KIAA0825: variants seen among roughly 807,000 people sequenced by gnomAD.
KIAA0825 encodes KIAA0825, also known as uncharacterized protein KIAA0825.
In KIAA0825, 119 loss-of-function variants were observed where a neutral mutation model predicts 147.6. The ratio of observed to expected loss-of-function variants is 0.81; its 90% CI spans 0.69 to 0.94. The LOEUF (loss-of-function observed/expected upper bound fraction) is 0.94. Among genes scored for constraint, KIAA0825 ranks in the 40% least tolerant of loss-of-function variants. The probability of loss-of-function intolerance (pLI) is 0.00; values close to 1 mark genes in which losing one functional copy is unlikely to be tolerated. For synonymous variants in KIAA0825, 470 were observed against 518.1 expected, an observed-to-expected ratio of 0.91 and a Z score of 1.26; for missense variants, 1,381 against 1,472.7, an observed-to-expected ratio of 0.94 and a Z score of 1.02.
intron 20 of KIAA0825, among the ~76,000 whole-genome samples, chr5:94,259,394 TTAG>T (rs1459442027): frequency 1.3e-5 from 2 of 152,020 alleles, no homozygotes; most frequent in African/African-American, 4.8e-5. Flanking sequence ...AGGCAACTTA[TTAG>T]TAAGGTGAAT....
In KIAA0825 at chr5:94,153,752, A is replaced by C; in HGVS notation, c.*255T>G. The C allele has an allele frequency of 3.2e-6, 1 of 307,836 alleles. No homozygotes were observed. Among genetic ancestry groups the C allele is most frequent in the Non-Finnish European group, 5.9e-6 (1 of 169,124 alleles). The allele number at this position is 307,836 out of a possible 1,614,324, so 19.1% of individuals were successfully genotyped here. On this transcript the variant is annotated 3_prime_UTR_variant, in exon 21 of 21. Coordinates refer to ENST00000682413, the MANE Select transcript of KIAA0825 (RefSeq NM_001145678.3). ...AAGGAGAAAAAAATAATTCAAAGGG[A>C]ACACGAGATGGCAGCAGTTATATCA... is the stretch of plus-strand genomic sequence containing the variant.
rs569856495 is a variant in KIAA0825 at position 94,227,337 on chromosome 5, A to C, written c.3711-73213T>G. The stretch of plus-strand genomic sequence containing the variant: ...CCGCATATTCTCACTCATAGGTGGG[A>C]ATTGAACAATGAGAACACATGGACA... On this transcript the variant is annotated intron_variant, in intron 20 of 20. Coordinates refer to ENST00000682413, the MANE Select transcript of KIAA0825 (RefSeq NM_001145678.3). 2.6e-5 allele frequency among the ~76,000 whole-genome samples: 4 copies of C among 152,142 alleles called. No homozygotes were observed. The South Asian group carries it at 8.3e-4, about 32-fold the overall frequency.
At chr5:94,286,094 T>A (rs1777655524) in intron 20 of KIAA0825, among the ~76,000 whole-genome samples, 1 of 152,098 alleles carries the variant, frequency 6.6e-6, no homozygotes, top group Non-Finnish European at 1.5e-5. Flanking sequence ...AATCAAGAAG[T>A]CAGCATGTTG....
chr5:94,302,959 A>C (rs575463994), intron 20 of KIAA0825, among the ~76,000 whole-genome samples: 2 of 152,204 alleles, frequency 1.3e-5, no homozygotes, highest in Admixed American at 6.6e-5. Context: ...TTAAAAGTAA[A>C]ACTAATATTA....
intron 1 of KIAA0825, among the ~76,000 whole-genome samples, chr5:94,587,169 C>T (rs1161386295): frequency 2.0e-5 from 3 of 152,134 alleles, no homozygotes; most frequent in African/African-American, 7.2e-5. Flanking sequence ...TCCTATTCAA[C>T]ATAGTATTGG....
intron 17 of KIAA0825, among the ~76,000 whole-genome samples, chr5:94,395,681 A>G (rs1306560266): frequency 6.6e-6 from 1 of 152,166 alleles, no homozygotes; most frequent in Non-Finnish European, 1.5e-5. Context: ...ACAATCAGGT[A>G]CACAGAAAGC....
chr5:94,527,972 A>G (rs1269271935), intron 3 of KIAA0825, among the ~76,000 whole-genome samples: 1 of 152,108 alleles, frequency 6.6e-6, no homozygotes, highest in Non-Finnish European at 1.5e-5. Context: ...TTAAAAGAAT[A>G]TTTAAAAAAG....
intron 18 of KIAA0825, among the ~76,000 whole-genome samples, chr5:94,387,786 T>C (rs555372375): frequency 6.6e-6 from 1 of 151,498 alleles, no homozygotes; most frequent in South Asian, 2.1e-4. Flanking sequence ...TGCTGAAAGG[T>C]CAGAGGACAA....
At chr5:94,506,842 C>A (rs537686176) in intron 5 of KIAA0825, among the ~76,000 whole-genome samples, 2 of 152,074 alleles carry the variant, frequency 1.3e-5, no homozygotes, top group African/African-American at 4.8e-5. Flanking sequence ...CCTGAAAACA[C>A]GCCACACTTC....
intron 20 of KIAA0825, among the ~76,000 whole-genome samples, chr5:94,203,987 A>G (rs1771929292): frequency 2.6e-5 from 4 of 152,220 alleles, no homozygotes; most frequent in Non-Finnish European, 5.9e-5. Context: ...ACGTGACAGT[A>G]TATTTAGAAA....
Position 94,417,305 on chromosome 5 carries a change from A to T in KIAA0825, c.2558T>A (p.Phe853Tyr). 1 of 1,550,660 alleles carries T rather than the reference A, an allele frequency of 6.4e-7. No individual in the cohort carries two copies. Among genetic ancestry groups the T allele is most frequent in the South Asian group, 1.2e-5 (1 of 84,018 alleles). ...AAAACTGCAATGGTACAATATTTTA[A>T]AGATGGCTTCCATCAAGCTGGGTCC... ...NQGPSLMEAI[F>Y]KILYHCSFSP... Residue 853 changes from phenylalanine (F) to tyrosine (Y), a missense_variant, in exon 15 of 21, where the codon TTT becomes TAT. Physicochemically the swap from Phe to Tyr is conservative, Grantham distance 22. Coordinates refer to ENST00000682413, the MANE Select transcript of KIAA0825 (RefSeq NM_001145678.3).
chr5:94,308,825 A>G (rs1778914630), intron 20 of KIAA0825, among the ~76,000 whole-genome samples: 1 of 151,272 alleles, frequency 6.6e-6, no homozygotes, highest in South Asian at 2.1e-4. Context: ...AGTCCTTTCC[A>G]TTCAGGCCGT....
At chr5:94,481,248 A>G (rs1328202939) in intron 6 of KIAA0825, among the ~76,000 whole-genome samples, 1 of 152,032 alleles carries the variant, frequency 6.6e-6, no homozygotes, top group Non-Finnish European at 1.5e-5. Flanking sequence ...AGCTTCCCCT[A>G]CAGAGTTCTT....
At chr5:94,185,355 T>C (rs1191376014) in intron 20 of KIAA0825, among the ~76,000 whole-genome samples, 1 of 152,214 alleles carries the variant, frequency 6.6e-6, no homozygotes, top group Non-Finnish European at 1.5e-5. Context: ...CTGAAGATTA[T>C]TGATGCCTAC....
intron 20 of KIAA0825, among the ~76,000 whole-genome samples, chr5:94,283,018 G>A (rs1036519495): frequency 2.0e-5 from 3 of 152,030 alleles, no homozygotes. Flanking sequence ...CAGCAAAGCA[G>A]AAGAATGCAA....
At chr5:94,399,257 T>A (rs1290161897) in intron 16 of KIAA0825, among the ~76,000 whole-genome samples, 1 of 152,134 alleles carries the variant, frequency 6.6e-6, no homozygotes, top group African/African-American at 2.4e-5. Context: ...TGTGTTTGTA[T>A]CTCATAGTCC....
chr5:94,294,711 A>G (rs553219804), intron 20 of KIAA0825, among the ~76,000 whole-genome samples: 2 of 152,232 alleles, frequency 1.3e-5, no homozygotes, highest in South Asian at 2.1e-4. Flanking sequence ...TGGCAAGACT[A>G]TGTCTCAAAA....
Position 94,609,212 on chromosome 5 carries a change from C to T in KIAA0825, c.-153+9288G>A, listed in dbSNP as rs142684742. Among the ~76,000 whole-genome samples the T allele has an allele frequency of 2.3e-4, 35 of 152,284 alleles. No homozygotes were observed. The East Asian group carries it at 6.4e-3, about 28-fold the overall frequency. Reference sequence around the variant, plus strand: ...GTGTAAGGTTGGATTTTGCTTATTACTTCAACCAAAACAATATATCACCAA... The same window carrying T: ...GTGTAAGGTTGGATTTTGCTTATTATTTCAACCAAAACAATATATCACCAA... On this transcript the variant is annotated intron_variant, in intron 1 of 20. Transcript: ENST00000682413.
chr5:94,412,695 G>C (rs141913005), intron 15 of KIAA0825, among the ~76,000 whole-genome samples: 2,440 of 152,144 alleles, frequency 0.016, 28 homozygotes, highest in Non-Finnish European at 0.026. Flanking sequence ...CACCACGCCC[G>C]GCCAGTAGTT....
Sources: allele counts gnomAD v4.1 joint callset (sites outside exome capture counted in the v4.1 genomes callset), GRCh38; gene constraint gnomAD v4.1.1; transcripts MANE v1.5; gene names NCBI Gene and HGNC (gene_info 2026-07-23, HGNC 2026-07-21).